The following ARFGEF1 variants were observed in gnomAD, a reference collection of about 807,000 sequenced individuals.
ARFGEF1 encodes the protein ARF guanine nucleotide exchange factor 1, also known as brefeldin A-inhibited guanine nucleotide-exchange protein 1.
Under a neutral mutation model 231.0 loss-of-function variants are expected in ARFGEF1, and 42 were observed. The observed-to-expected ratio is 0.18, with a 90% CI of 0.14 to 0.24. The LOEUF (loss-of-function observed/expected upper bound fraction) is 0.24, where lower values mean the gene tolerates loss of function less well. ARFGEF1 is among the 10% of genes least tolerant of loss of function. The probability of loss-of-function intolerance (pLI) is 1.00; values close to 1 mark genes in which losing one functional copy is unlikely to be tolerated. For missense variants in ARFGEF1, 1,345 were observed against 2,192.0 expected (o/e 0.61, Z 7.72); for synonymous variants, 710 against 732.3 (o/e 0.97, Z 0.49).
intron 19 of ARFGEF1, among the ~76,000 whole-genome samples, chr8:67,244,242 CA>C (rs34333039): frequency 0.36 from 7,265 of 19,954 alleles, 2,331 homozygotes; most frequent in East Asian, 0.58. Context: ...GACTCCACCT[CA>C]AAAAAAAAAA....
At chr8:67,254,051 G>A (rs966050129) in intron 17 of ARFGEF1, among the ~76,000 whole-genome samples, 1 of 152,230 alleles carries the variant, frequency 6.6e-6, no homozygotes, top group African/African-American at 2.4e-5. Flanking sequence ...GTGGGTATAA[G>A]AGTAACAATA....
chr8:67,314,926 G>A (rs1443129882), intron 1 of ARFGEF1, among the ~76,000 whole-genome samples: 2 of 152,124 alleles, frequency 1.3e-5, no homozygotes, highest in African/African-American at 4.8e-5. Flanking sequence ...TGTAGTGTCA[G>A]CTACTCAGGA....
At position 67,227,365 on chromosome 8, in the gene ARFGEF1, T is replaced by C. The variant is rs541020859; in HGVS notation, c.3744-56A>G. ...GCAAACCGATAAAACTCATCAGTTT[T>C]TCCCCCTTTCTTCTGTTTTTCTCCC... On this transcript the variant is annotated intron_variant, in intron 26 of 38. Transcript: ENST00000262215. 1.9e-4 allele frequency: 301 copies of C among 1,598,446 alleles called. 4 individuals carry two copies. In the South Asian group the frequency reaches 3.2e-3, roughly 17 times the overall value.
intron 37 of ARFGEF1, 45 bp downstream of exon 37, chr8:67,201,422 C>T: frequency 2.5e-6 from 4 of 1,575,122 alleles, no homozygotes; most frequent in Non-Finnish European, 2.6e-6. Flanking sequence ...TGCCCGGCAC[C>T]ACGTGGCTAC....
intron 22 of ARFGEF1, among the ~76,000 whole-genome samples, chr8:67,236,365 A>ATAT (rs1554638967): frequency 3.4e-4 from 10 of 29,040 alleles, no homozygotes; most frequent in African/African-American, 3.9e-4. Context: ...AAAAAAAAAA[A>ATAT]ATATATATAT....
chr8:67,339,868 A>C (rs1184131747), intron 1 of ARFGEF1, among the ~76,000 whole-genome samples: 1 of 146,352 alleles, frequency 6.8e-6, no homozygotes, highest in East Asian at 2.0e-4. Context: ...AATTTGAAAA[A>C]CGTTTTACAT....
intron 1 of ARFGEF1, among the ~76,000 whole-genome samples, chr8:67,320,689 G>A (rs974382188): frequency 3.3e-5 from 5 of 152,170 alleles, no homozygotes; most frequent in Non-Finnish European, 4.4e-5. Context: ...AGGCGTGGTG[G>A]CTCACGCCTA....
At chr8:67,189,842 A>G (rs2129574978) in intron 5 of ARFGEF1, among the ~76,000 whole-genome samples, 2 of 152,326 alleles carry the variant, frequency 1.3e-5, no homozygotes, top group Middle Eastern at 6.8e-3. Flanking sequence ...TTCTTTAGGT[A>G]TAATTTTTTT....
chr8:67,308,825 C>A (rs1325725852), intron 1 of ARFGEF1, among the ~76,000 whole-genome samples: 1 of 152,000 alleles, frequency 6.6e-6, no homozygotes, highest in South Asian at 2.1e-4. Flanking sequence ...TTATGGGGTA[C>A]AATGAGGTGT....
chr8:67,299,086 G>A (rs1001334601), intron 4 of ARFGEF1, 123 bp downstream of exon 4: 103 of 993,178 alleles, frequency 1.0e-4, no homozygotes, highest in Non-Finnish European at 1.3e-4. Context: ...GCCCGGCCTC[G>A]AATAACCTGT....
intron 33 of ARFGEF1, among the ~76,000 whole-genome samples, chr8:67,215,190 C>G (rs1482670455): frequency 6.6e-6 from 1 of 152,128 alleles, no homozygotes; most frequent in African/African-American, 2.4e-5. Context: ...AGAGCATACT[C>G]AAGAGTGTCA....
intron 22 of ARFGEF1, among the ~76,000 whole-genome samples, chr8:67,233,572 T>C (rs1839620670): frequency 6.6e-6 from 1 of 152,056 alleles, no homozygotes; most frequent in South Asian, 2.1e-4. Context: ...CTGTTTTTCA[T>C]ATCACCTGTT....
chr8:67,305,589 A>C (rs1806704025), intron 1 of ARFGEF1, among the ~76,000 whole-genome samples: 1 of 152,044 alleles, frequency 6.6e-6, no homozygotes, highest in Non-Finnish European at 1.5e-5. Context: ...TTAGGTGATC[A>C]GCCCGCCTCA....
At chr8:67,256,656 A>G (rs1840462753) in intron 17 of ARFGEF1, among the ~76,000 whole-genome samples, 1 of 152,228 alleles carries the variant, frequency 6.6e-6, no homozygotes, top group Admixed American at 6.5e-5. Context: ...AATAATTTAT[A>G]AATGTAATTT....
chr8:67,291,316 G>T (rs933607605), intron 6 of ARFGEF1, among the ~76,000 whole-genome samples: 4 of 151,584 alleles, frequency 2.6e-5, no homozygotes, highest in African/African-American at 9.7e-5. Context: ...AAAAATCAGA[G>T]AACATCTCAA....
intron 1 of ARFGEF1, among the ~76,000 whole-genome samples, chr8:67,322,456 G>C (rs1054498878): frequency 6.6e-6 from 1 of 152,146 alleles, no homozygotes; most frequent in Non-Finnish European, 1.5e-5. Flanking sequence ...CAACACTTTG[G>C]GAGGCCCAGT....
At chr8:67,325,111 C>G (rs1807774404) in intron 1 of ARFGEF1, among the ~76,000 whole-genome samples, 1 of 152,006 alleles carries the variant, frequency 6.6e-6, no homozygotes, top group Admixed American at 6.6e-5. Flanking sequence ...CGGGGTTTCT[C>G]CATGATGGTC....
At chr8:67,192,078 GT>G (rs71249424) in intron 5 of ARFGEF1, among the ~76,000 whole-genome samples, 81 of 127,686 alleles carry the variant, frequency 6.3e-4, no homozygotes, top group African/African-American at 1.6e-3. Context: ...TTTTTTTTTT[GT>G]TTTTTTTTTT....
rs1186357129 is a variant in ARFGEF1 at position 67,236,360 on chromosome 8, AAAAAAATATATATATATATATAT to A, written c.3289+1960_3289+1982del. 1.2e-4 allele frequency among the ~76,000 whole-genome samples: 5 copies of A among 43,274 alleles called. 1 individual carries two copies. Among genetic ancestry groups the A allele is most frequent in the African/African-American group, 5.5e-4 (5 of 9,114 alleles). The allele number at this position is 43,274 out of a possible 152,430, so 28.4% of individuals were successfully genotyped here. ...AAAAAGATATTAGTTAAAAAAAAAA[AAAAAAATATATATATATATATAT>A]ATATATATATATATATATATATATA... On this transcript the variant is annotated intron_variant, in intron 22 of 38. Coordinates refer to ENST00000262215, the MANE Select transcript of ARFGEF1 (RefSeq NM_006421.5).
Sources: gnomAD v4.1 joint callset for allele counts (sites outside exome capture counted in the v4.1 genomes callset) on GRCh38, gnomAD v4.1.1 for gene constraint, MANE v1.5 for transcripts, NCBI Gene and HGNC (gene_info 2026-07-23, HGNC 2026-07-21) for gene names.